Variants in MAN1A1 observed in about 807,000 individuals in gnomAD.
MAN1A1 encodes the protein mannosidase alpha class 1A member 1, also known as mannosyl-oligosaccharide 1,2-alpha-mannosidase IA.
A neutral mutation model predicts 70.8 loss-of-function variants in MAN1A1; 29 were observed. The ratio of observed to expected loss-of-function variants is 0.41; its 90% CI spans 0.31 to 0.56. MAN1A1 has a LOEUF of 0.56. MAN1A1 is among the 20% of genes least tolerant of loss of function. The pLI is 0.29. For missense variants in MAN1A1, 747 were observed against 841.3 expected, an observed-to-expected ratio of 0.89 and a Z score of 1.39; for synonymous variants, 349 against 330.1, an observed-to-expected ratio of 1.06 and a Z score of -0.62.
At chr6:119,289,504 A>G (rs372202329) in intron 5 of MAN1A1, among the ~76,000 whole-genome samples, 2 of 145,248 alleles carry the variant, frequency 1.4e-5, no homozygotes, top group Non-Finnish European at 1.5e-5. Flanking sequence ...AACTGAACAC[A>G]TGAAGTTATC....
At chr6:119,338,317 T>C (rs1243197894) in intron 2 of MAN1A1, among the ~76,000 whole-genome samples, 1 of 152,004 alleles carries the variant, frequency 6.6e-6, no homozygotes, top group Non-Finnish European at 1.5e-5. Flanking sequence ...CTAAAAACAT[T>C]TGAAGGATTT....
Position 119,325,228 on chromosome 6 carries a change from T to G in MAN1A1, c.604-18236A>C, listed in dbSNP as rs75940387. ...AGGGAGGTTAAGTAACTTGCCCAAGTTCACTGGACACATCAAAGAGCGGGA... is the reference window on the plus strand; with the variant it reads ...AGGGAGGTTAAGTAACTTGCCCAAGGTCACTGGACACATCAAAGAGCGGGA... On this transcript the variant is annotated intron_variant, in intron 2 of 12. Transcript: ENST00000368468. Among the ~76,000 whole-genome samples, 896 of 152,298 alleles carry G rather than the reference T, an allele frequency of 5.9e-3. 29 individuals carry two copies. The East Asian group carries it at 0.09, about 15-fold the overall frequency.
At chr6:119,307,623 A>G (rs17619366) in intron 2 of MAN1A1, among the ~76,000 whole-genome samples, 4,258 of 152,248 alleles carry the variant, frequency 0.028, 94 homozygotes, top group Non-Finnish European at 0.045. Context: ...AGATTGATCC[A>G]GTATATTCCT....
intron 5 of MAN1A1, among the ~76,000 whole-genome samples, chr6:119,283,358 GA>G (rs1224246038): frequency 1.3e-5 from 2 of 152,190 alleles, no homozygotes; most frequent in Non-Finnish European, 2.9e-5. Flanking sequence ...ATGACTAAAT[GA>G]CTAAACATTT....
chr6:119,242,006 G>C (rs1342050375), intron 6 of MAN1A1, among the ~76,000 whole-genome samples: 1 of 151,696 alleles, frequency 6.6e-6, no homozygotes, highest in African/African-American at 2.4e-5. Flanking sequence ...TAGAATCCCA[G>C]TTATTCTGAG....
intron 2 of MAN1A1, among the ~76,000 whole-genome samples, chr6:119,309,444 T>C (rs1186101800): frequency 6.6e-6 from 1 of 152,224 alleles, no homozygotes; most frequent in Non-Finnish European, 1.5e-5. Context: ...TTAATTTCTC[T>C]AGACCCAGTT....
chr6:119,250,477 G>T (rs1468579686), intron 5 of MAN1A1, among the ~76,000 whole-genome samples: 2 of 152,164 alleles, frequency 1.3e-5, no homozygotes, highest in Admixed American at 6.5e-5. Flanking sequence ...GCTGTGGAAA[G>T]AAATAATAAG....
At chr6:119,230,227 C>G (rs910437661) in intron 6 of MAN1A1, among the ~76,000 whole-genome samples, 2 of 152,196 alleles carry the variant, frequency 1.3e-5, no homozygotes, top group African/African-American at 2.4e-5. Flanking sequence ...CTAAAACGAT[C>G]GCTCCTGATA....
intron 9 of MAN1A1, among the ~76,000 whole-genome samples, chr6:119,190,960 G>A (rs879555602): frequency 3.3e-5 from 5 of 152,198 alleles, no homozygotes; most frequent in Non-Finnish European, 7.3e-5. Flanking sequence ...TATCAAGAGA[G>A]AGGGATTTGT....
At chr6:119,229,436 G>A (rs374800323) in intron 6 of MAN1A1, among the ~76,000 whole-genome samples, 14 of 152,032 alleles carry the variant, frequency 9.2e-5, no homozygotes. Context: ...CTATAGAGCT[G>A]TTTTCTTTTC....
At chr6:119,302,659 T>C (rs6902669) in intron 3 of MAN1A1, among the ~76,000 whole-genome samples, 57,427 of 151,926 alleles carry the variant, frequency 0.38, 11,333 homozygotes, top group Non-Finnish European at 0.41. Context: ...AGATTACAGG[T>C]GTGAGCCACC....
chr6:119,294,395 T>C (rs965982189), intron 4 of MAN1A1, among the ~76,000 whole-genome samples: 6 of 152,228 alleles, frequency 3.9e-5, no homozygotes, highest in East Asian at 1.9e-4. Flanking sequence ...GGGAAGACAG[T>C]AGGCAGACAA....
At chr6:119,203,273 G>A (rs1773766421) in intron 7 of MAN1A1, among the ~76,000 whole-genome samples, 1 of 152,128 alleles carries the variant, frequency 6.6e-6, no homozygotes, top group Non-Finnish European at 1.5e-5. Flanking sequence ...CTGGCAAGGC[G>A]GAGGTGTTTG....
chr6:119,331,570 CATATATATATATATATATAT>C (rs10562938), intron 2 of MAN1A1, among the ~76,000 whole-genome samples: 2 of 117,972 alleles, frequency 1.7e-5, no homozygotes, highest in Non-Finnish European at 3.5e-5. Flanking sequence ...ACATATTATG[CATATATATATATATATATAT>C]ATATATATAA....
intron 11 of MAN1A1, among the ~76,000 whole-genome samples, chr6:119,183,959 G>A (rs561722578): frequency 2.2e-4 from 33 of 151,996 alleles, no homozygotes; most frequent in African/African-American, 8.0e-4. Flanking sequence ...CAGAGGTTTA[G>A]AGAGGCCCAG....
At chr6:119,314,971 C>A (rs1315274872) in intron 2 of MAN1A1, among the ~76,000 whole-genome samples, 1 of 152,178 alleles carries the variant, frequency 6.6e-6, no homozygotes, top group Non-Finnish European at 1.5e-5. Context: ...ATGAATTCCT[C>A]TCCTCATGCC....
chr6:119,284,886 G>T (rs1776321524), intron 5 of MAN1A1, among the ~76,000 whole-genome samples: 1 of 152,126 alleles, frequency 6.6e-6, no homozygotes, highest in African/African-American at 2.4e-5. Context: ...ATATTGTAAA[G>T]AATTTAATTA....
At chr6:119,296,768 A>G (rs1772227592) in intron 4 of MAN1A1, among the ~76,000 whole-genome samples, 1 of 152,174 alleles carries the variant, frequency 6.6e-6, no homozygotes. Context: ...CAAAACACAA[A>G]GTGTTCATTA....
At chr6:119,315,034 G>A (rs1772812492) in intron 2 of MAN1A1, among the ~76,000 whole-genome samples, 2 of 152,194 alleles carry the variant, frequency 1.3e-5, no homozygotes, top group Admixed American at 1.3e-4. Context: ...CACCACGGGA[G>A]CTAATGTGGA....
Sources: gnomAD v4.1 joint callset for allele counts (sites outside exome capture counted in the v4.1 genomes callset) on GRCh38, gnomAD v4.1.1 for gene constraint, MANE v1.5 for transcripts, NCBI Gene and HGNC (gene_info 2026-07-23, HGNC 2026-07-21) for gene names.